TMPRSS2: variants seen among roughly 807,000 people sequenced by gnomAD.
The protein encoded by TMPRSS2 is transmembrane protease serine 2.
In TMPRSS2, 59 loss-of-function variants were observed where a neutral mutation model predicts 67.4. The ratio of observed to expected loss-of-function variants is 0.88; its 90% CI spans 0.71 to 1.09. The LOEUF is 1.09. TMPRSS2 is among the 50% of genes least tolerant of loss of function. The probability of loss-of-function intolerance (pLI) is 0.00; values close to 1 mark genes in which losing one functional copy is unlikely to be tolerated. For synonymous variants in TMPRSS2, 257 were observed against 257.0 expected, an observed-to-expected ratio of 1.00 and a Z score of 0.00; for missense variants, 668 against 642.7, an observed-to-expected ratio of 1.04 and a Z score of -0.43.
At chr21:41,496,300 C>G (rs986629882) in intron 2 of TMPRSS2, among the ~76,000 whole-genome samples, 6 of 152,222 alleles carry the variant, frequency 3.9e-5, no homozygotes, top group African/African-American at 1.4e-4. Flanking sequence ...GCAAATACCT[C>G]TTCTACATCC....
chr21:41,486,014 CATGGAAAAATCT>C (rs1020268615), intron 5 of TMPRSS2, among the ~76,000 whole-genome samples: 4 of 152,174 alleles, frequency 2.6e-5, no homozygotes, highest in Admixed American at 2.0e-4. Context: ...ATTACTTTGG[CATGGAAAAATCT>C]TTGGCTAGAA....
intron 3 of TMPRSS2, 34 bp from the exon 4 acceptor site, chr21:41,489,627 A>G: frequency 6.7e-7 from 1 of 1,485,114 alleles, no homozygotes; most frequent in Non-Finnish European, 9.4e-7. Context: ...CGTTCAGACC[A>G]GAGTTGTTTA....
intron 1 of TMPRSS2, among the ~76,000 whole-genome samples, chr21:41,501,995 G>T (rs1601592184): frequency 6.6e-6 from 1 of 152,176 alleles, no homozygotes; most frequent in African/African-American, 2.4e-5. Context: ...TGGCACTCAG[G>T]CTCCATTCCT....
chr21:41,484,073 T>G (rs893070624), intron 5 of TMPRSS2, among the ~76,000 whole-genome samples: 1 of 152,178 alleles, frequency 6.6e-6, no homozygotes, highest in African/African-American at 2.4e-5. Flanking sequence ...GAGCCATGAC[T>G]GAGCCACTGC....
At chr21:41,488,294 C>T in intron 5 of TMPRSS2, 100 bp downstream of exon 5, 1 of 1,411,810 alleles carries the variant, frequency 7.1e-7, no homozygotes, top group Non-Finnish European at 9.8e-7. Flanking sequence ...TGTCAGCGTA[C>T]TGGACGCACG....
rs774346118 is a variant in TMPRSS2, at chr21:41,470,626, G to A, written c.1171+22C>T. The A allele has an allele frequency of 3.1e-6, 5 of 1,609,678 alleles. No individual in the cohort carries two copies. In the Admixed American group the frequency reaches 8.3e-5, roughly 27 times the overall value. ...CTCCATCTGTGGGCCCTGCAGTCCT[G>A]TGTGCCCAGGAGCAGCCTCACCTTT... is the stretch of plus-strand genomic sequence containing the variant. On this transcript the variant is annotated intron_variant, in intron 11 of 13. Coordinates refer to ENST00000332149, the MANE Select transcript of TMPRSS2 (RefSeq NM_005656.4).
In TMPRSS2 at chr21:41,473,364, G is replaced by T. The variant is rs764393597; in HGVS notation, c.860C>A (p.Thr287Asn). ...GGCGGCTGTCACGATCCACTCGGGG[G>T]TGATGATGGAGCCTCCGCACACGTG... is the stretch of plus-strand genomic sequence containing the variant. Reference protein sequence around the residue: ...NVHVCGGSIITPEWIVTAAHC... With the variant: ...NVHVCGGSIINPEWIVTAAHC... Residue 287 changes from threonine (T) to asparagine (N), a missense_variant, in exon 9 of 14, where the codon ACC becomes AAC. By Grantham distance (65) the Thr-to-Asn change is moderately conservative (BLOSUM62 0). Coordinates refer to ENST00000332149, the MANE Select transcript of TMPRSS2 (RefSeq NM_005656.4). The T allele has an allele frequency of 4.3e-5, 70 of 1,609,264 alleles. No individual in the cohort carries two copies. Among genetic ancestry groups the T allele is most frequent in the Non-Finnish European group, 5.7e-5 (67 of 1,179,032 alleles).
chr21:41,491,315 C>T (rs1487989229), intron 3 of TMPRSS2, among the ~76,000 whole-genome samples: 1 of 152,054 alleles, frequency 6.6e-6, no homozygotes, highest in East Asian at 1.9e-4. Context: ...CACCACCATG[C>T]CTGGCCCATT....
intron 5 of TMPRSS2, among the ~76,000 whole-genome samples, chr21:41,485,366 G>A (rs2091288237): frequency 6.6e-6 from 1 of 152,058 alleles, no homozygotes; most frequent in South Asian, 2.1e-4. Flanking sequence ...AGCCATTCCA[G>A]GCCAGGCGTG....
At chr21:41,497,281 A>C (rs2091390631) in intron 2 of TMPRSS2, among the ~76,000 whole-genome samples, 1 of 152,202 alleles carries the variant, frequency 6.6e-6, no homozygotes, top group African/African-American at 2.4e-5. Context: ...GAGCCAAACA[A>C]GGCCCGCAGA....
Position 41,486,169 on chromosome 21 carries a change from A to T in TMPRSS2, c.445+2225T>A, listed in dbSNP as rs182791541. 3.0e-4 allele frequency among the ~76,000 whole-genome samples: 46 copies of T among 152,280 alleles called. No homozygotes were observed. The Middle Eastern group carries it at 0.027, about 90-fold the overall frequency. On this transcript the variant is annotated intron_variant, in intron 5 of 13. Coordinates refer to ENST00000332149, the MANE Select transcript of TMPRSS2 (RefSeq NM_005656.4). The stretch of plus-strand genomic sequence containing the variant: ...CTGACTCTACAATTCTGAAATTTCT[A>T]TTTCTAGAAAAAACAAATGGTTCTA...
intron 1 of TMPRSS2, among the ~76,000 whole-genome samples, chr21:41,507,457 A>G (rs2091466060): frequency 6.6e-6 from 1 of 152,032 alleles, no homozygotes; most frequent in Non-Finnish European, 1.5e-5. Context: ...TCCCTCCCCG[A>G]GACTGACTGG....
intron 1 of TMPRSS2, among the ~76,000 whole-genome samples, chr21:41,499,108 A>T (rs981719978): frequency 6.6e-6 from 1 of 152,148 alleles, no homozygotes; most frequent in African/African-American, 2.4e-5. Flanking sequence ...CATACGCTTA[A>T]AATAATCCAT....
intron 10 of TMPRSS2, 137 bp from the exon 11 acceptor site, chr21:41,470,880 A>G (rs1332668356): frequency 1.7e-6 from 1 of 589,218 alleles, no homozygotes; most frequent in East Asian, 3.0e-5. Flanking sequence ...CAAGTCCCAC[A>G]TTCTCACTTT....
chr21:41,505,970 T>C (rs1343338282), intron 1 of TMPRSS2, among the ~76,000 whole-genome samples: 1 of 152,302 alleles, frequency 6.6e-6, no homozygotes, highest in Non-Finnish European at 1.5e-5. Context: ...TCCCAACCTC[T>C]CTTCCCCAGT....
chr21:41,507,599 G>A (rs1404160677), intron 1 of TMPRSS2, among the ~76,000 whole-genome samples: 1 of 152,212 alleles, frequency 6.6e-6, no homozygotes. Context: ...AGAAGCAGAA[G>A]GAGTTCAGGT....
intron 1 of TMPRSS2, among the ~76,000 whole-genome samples, chr21:41,501,472 G>A (rs1288486803): frequency 6.6e-6 from 1 of 152,096 alleles, no homozygotes; most frequent in East Asian, 1.9e-4. Flanking sequence ...AGCTGGGTAT[G>A]ATGGTGGGTG....
At chr21:41,471,513 C>CA (rs1428969023) in intron 10 of TMPRSS2, among the ~76,000 whole-genome samples, 12 of 130,958 alleles carry the variant, frequency 9.2e-5, no homozygotes, top group Non-Finnish European at 1.7e-4. Flanking sequence ...AACAGAGAAC[C>CA]ACCCAGATGT....
In TMPRSS2 at chr21:41,478,174, G is replaced by T. The variant is rs2146447804; in HGVS notation, c.683+998C>A. Among the ~76,000 whole-genome samples the T allele has an allele frequency of 6.6e-6, 1 of 152,366 alleles. No individual in the cohort carries two copies. The highest frequency in any genetic ancestry group is 1.5e-5 in the Non-Finnish European group (1 of 68,042). On this transcript the variant is annotated intron_variant, in intron 7 of 13. Transcript: ENST00000332149. This position sits in a 1 kb window ranked among gnomAD's most constrained non-coding sequence, Gnocchi z 4.0. Reference sequence around the variant, plus strand: ...TGATGGGTGCACCTGGCCGTGCACAGCCCTCCCCACTGGGCTTGCCCTGCC... The same window carrying T: ...TGATGGGTGCACCTGGCCGTGCACATCCCTCCCCACTGGGCTTGCCCTGCC...
Sources: gnomAD v4.1 joint callset for allele counts (sites outside exome capture counted in the v4.1 genomes callset) on GRCh38, gnomAD v4.1.1 for gene constraint, Gnocchi (gnomAD v3.1) non-coding constraint, MANE v1.5 for transcripts, NCBI Gene and HGNC (gene_info 2026-07-23, HGNC 2026-07-21) for gene names.